RNF144B: variants seen among roughly 807,000 people sequenced by gnomAD.
RNF144B encodes ring finger protein 144B, also known as E3 ubiquitin-protein ligase RNF144B.
RNF144B carries 25 observed loss-of-function variants against 40.2 expected under a neutral mutation model. The ratio of observed to expected loss-of-function variants is 0.62; its 90% CI spans 0.45 to 0.87. The LOEUF (loss-of-function observed/expected upper bound fraction) is 0.87. RNF144B is among the 40% of genes least tolerant of loss of function. The probability of loss-of-function intolerance (pLI) is 0.00; values close to 1 mark genes in which losing one functional copy is unlikely to be tolerated. For missense variants in RNF144B, 365 were observed against 373.7 expected, an observed-to-expected ratio of 0.98 and a Z score of 0.19; for synonymous variants, 145 against 136.3, an observed-to-expected ratio of 1.06 and a Z score of -0.44.
chr6:18,425,255 C>G lies in RNF144B; in HGVS notation c.166-2326C>G, dbSNP rs1278880993. ...CACTTTGTTTTCCTCAAACACCTTC[C>G]CCTTGAGCCTGGAGACTATATCTTT... On this transcript the variant is annotated intron_variant, in intron 2 of 7. Coordinates refer to ENST00000259939, the MANE Select transcript of RNF144B (RefSeq NM_182757.4). The surrounding 1 kb of genome is among the most constrained non-coding windows in gnomAD (Gnocchi z 4.2). Among the ~76,000 whole-genome samples, 20 of 152,148 alleles carry G rather than the reference C, an allele frequency of 1.3e-4. No homozygotes were observed. The highest frequency in any genetic ancestry group is 1.3e-3 in the Admixed American group (20 of 15,276).
intron 4 of RNF144B, among the ~76,000 whole-genome samples, chr6:18,452,818 T>C (rs934554694): frequency 6.6e-6 from 1 of 152,192 alleles, no homozygotes; most frequent in African/African-American, 2.4e-5. Context: ...AGTGTTTCTC[T>C]CTGTTACCTA....
Position 18,460,196 on chromosome 6 carries a change from G to A in RNF144B, c.681+445G>A, listed in dbSNP as rs1360356730. Among the ~76,000 whole-genome samples the A allele has an allele frequency of 6.6e-6, 1 of 152,190 alleles. No individual in the cohort carries two copies. Among genetic ancestry groups the A allele is most frequent in the African/African-American group, 2.4e-5 (1 of 41,452 alleles). On this transcript the variant is annotated intron_variant, in intron 6 of 7. Coordinates refer to ENST00000259939, the MANE Select transcript of RNF144B (RefSeq NM_182757.4). The surrounding 1 kb of genome is among the most constrained non-coding windows in gnomAD (Gnocchi z 4.4). Reference sequence around the variant, plus strand: ...GCATTTCTTTCTGGAGGCTTTAGGGGAGAATCTGTTTTCTTGCCTTGGAGG... The same window carrying A: ...GCATTTCTTTCTGGAGGCTTTAGGGAAGAATCTGTTTTCTTGCCTTGGAGG...
intron 3 of RNF144B, among the ~76,000 whole-genome samples, chr6:18,431,221 A>G (rs1758688658): frequency 6.6e-6 from 1 of 151,784 alleles, no homozygotes; most frequent in Non-Finnish European, 1.5e-5. Context: ...GCGAGACTCC[A>G]TCTCAAAAAA....
rs776089836 is a variant in RNF144B, at chr6:18,427,608, A to G, written c.193A>G (p.Ile65Val). The G allele has an allele frequency of 6.8e-6, 11 of 1,613,652 alleles. No homozygotes were observed. The highest frequency in any genetic ancestry group is 6.7e-5 in the African/African-American group (5 of 74,912). ...ACLKQYMQLA[I>V]REGCGSPITC... Reference sequence around the variant, plus strand: ...CCTGAAACAGTACATGCAGCTGGCAATCCGAGAAGGATGTGGGTCTCCCAT... The same window carrying G: ...CCTGAAACAGTACATGCAGCTGGCAGTCCGAGAAGGATGTGGGTCTCCCAT... Residue 65 changes from isoleucine (I) to valine (V), a missense_variant, in exon 3 of 8, where the codon ATC becomes GTC. Ile to Val is a conservative substitution (Grantham distance 29, BLOSUM62 3). Transcript: ENST00000259939.
chr6:18,397,906 A>G (rs940484157), intron 1 of RNF144B, among the ~76,000 whole-genome samples: 5 of 152,070 alleles, frequency 3.3e-5, no homozygotes, highest in African/African-American at 1.2e-4. Flanking sequence ...CAGTATCACA[A>G]TTAATCTATA....
In RNF144B at chr6:18,387,632, T is replaced by G. The variant is rs545489805; in HGVS notation, c.-37+2T>G. 1 of 1,300,402 alleles carries G rather than the reference T, an allele frequency of 7.7e-7. No homozygotes were observed. Among genetic ancestry groups the G allele is most frequent in the Admixed American group, 2.2e-5 (1 of 44,628 alleles). The allele number at this position is 1,300,402 out of a possible 1,614,324, so 80.6% of individuals were successfully genotyped here. A position where few individuals can be genotyped will look rare whatever the true frequency, so the allele number is the denominator to read the frequency against. ...GGAGGAACGCAGGTCTGCTGCCAGG[T>G]AGGTTTAGCGAGCTTTTTAAAGGCT... On this transcript the variant is annotated splice_donor_variant, in intron 1 of 7. Coordinates refer to ENST00000259939, the MANE Select transcript of RNF144B (RefSeq NM_182757.4). LOFTEE classifies it low-confidence loss of function (5UTR_SPLICE).
chr6:18,420,107 C>T (rs1795226535), intron 2 of RNF144B, among the ~76,000 whole-genome samples: 1 of 151,558 alleles, frequency 6.6e-6, no homozygotes, highest in Non-Finnish European at 1.5e-5. Flanking sequence ...ACTGAGTATC[C>T]CCTATCTCCT....
chr6:18,402,978 C>G (rs1002195109), intron 2 of RNF144B, among the ~76,000 whole-genome samples: 1 of 152,078 alleles, frequency 6.6e-6, no homozygotes, highest in Non-Finnish European at 1.5e-5. Context: ...TATTACAGAT[C>G]CAAAGAGGTT....
chr6:18,456,780 G>C lies in RNF144B; in HGVS notation c.332-375G>C, dbSNP rs559792320. On this transcript the variant is annotated intron_variant, in intron 4 of 7. Transcript: ENST00000259939. The surrounding 1 kb of genome is among the most constrained non-coding windows in gnomAD (Gnocchi z 4.7). ...TCAGTTTAAAAAAGAGGGTAAATGG[G>C]GCAGGTGTGGTGGCTCATGCCTGTA... Among the ~76,000 whole-genome samples the C allele has an allele frequency of 1.3e-4, 20 of 152,094 alleles. No individual in the cohort carries two copies. The highest frequency in any genetic ancestry group is 2.8e-4 in the Non-Finnish European group (19 of 68,008).
rs763263733 is a variant in RNF144B at position 18,427,560 on chromosome 6, CT to C, written c.166-13del. 2.4e-5 allele frequency: 38 copies of C among 1,567,260 alleles called. No individual in the cohort carries two copies. Among genetic ancestry groups the C allele is most frequent in the Non-Finnish European group, 3.1e-5 (35 of 1,139,438 alleles). ...CTACTGTAATGGAATGGGCAATTGTCTTTTTTTTCTTAACTTCCAGTGCCTG... is the reference window on the plus strand; with the variant it reads ...CTACTGTAATGGAATGGGCAATTGTCTTTTTTTCTTAACTTCCAGTGCCTG... On this transcript the variant is annotated intron_variant, in intron 2 of 7. Coordinates refer to ENST00000259939, the MANE Select transcript of RNF144B (RefSeq NM_182757.4).
intron 2 of RNF144B, among the ~76,000 whole-genome samples, chr6:18,409,076 T>C (rs752486520): frequency 1.2e-4 from 19 of 152,060 alleles, no homozygotes; most frequent in Admixed American, 2.0e-4. Context: ...TTTATTAGTA[T>C]ATTTACACAA....
Position 18,412,855 on chromosome 6 carries a change from AAGG to A in RNF144B, c.165+13160_165+13162del, listed in dbSNP as rs768340916. Among the ~76,000 whole-genome samples, 1 of 152,174 alleles carries A rather than the reference AAGG, an allele frequency of 6.6e-6. No homozygotes were observed. The highest frequency in any genetic ancestry group is 6.5e-5 in the Admixed American group (1 of 15,272). On this transcript the variant is annotated intron_variant, in intron 2 of 7. Transcript: ENST00000259939. This position sits in a 1 kb window ranked among gnomAD's most constrained non-coding sequence, Gnocchi z 4.2. ...TTTTGAATCATTTCCCACCCACAGT[AAGG>A]AGGTCTTTTTGGTTTGACTCTTCTG... is the stretch of plus-strand genomic sequence containing the variant.
rs1305855286 is a variant in RNF144B, at chr6:18,444,083, G to T, written c.331+4339G>T. Among the ~76,000 whole-genome samples the T allele has an allele frequency of 2.0e-5, 3 of 152,162 alleles. No homozygotes were observed. Among genetic ancestry groups the T allele is most frequent in the African/African-American group, 7.2e-5 (3 of 41,428 alleles). ...CTTTTAGTCTTTAGCTTGTTGTTCA[G>T]TGTGTGAATTGTCCTCTGCTTTGTG... is the stretch of plus-strand genomic sequence containing the variant. On this transcript the variant is annotated intron_variant, in intron 4 of 7. Coordinates refer to ENST00000259939, the MANE Select transcript of RNF144B (RefSeq NM_182757.4). This position sits in a 1 kb window ranked among gnomAD's most constrained non-coding sequence, Gnocchi z 4.3.
intron 1 of RNF144B, among the ~76,000 whole-genome samples, chr6:18,397,807 A>G (rs576428825): frequency 3.3e-5 from 5 of 152,182 alleles, no homozygotes; most frequent in Admixed American, 2.6e-4. Context: ...TGGATCTGGC[A>G]CTGGGCTTGG....
rs1251280032 is a variant in RNF144B, at chr6:18,419,641, G to A, written c.166-7940G>A. On this transcript the variant is annotated intron_variant, in intron 2 of 7. Coordinates refer to ENST00000259939, the MANE Select transcript of RNF144B (RefSeq NM_182757.4). This position sits in a 1 kb window ranked among gnomAD's most constrained non-coding sequence, Gnocchi z 4.6. ...GTGTGATACTGCTGTTGAGAGGTTG[G>A]GAAGGAAGAAATGTGTACTGGATTC... 6.6e-6 allele frequency among the ~76,000 whole-genome samples: 1 copy of A among 152,114 alleles called. No homozygotes were observed.
intron 2 of RNF144B, 71 bp downstream of exon 2, chr6:18,399,770 T>G (rs1396132830): frequency 6.3e-6 from 8 of 1,270,368 alleles, no homozygotes; most frequent in Admixed American, 1.9e-5. Context: ...GATATATTTC[T>G]GTGGTTTACT....
rs1208854053 is a variant in RNF144B, at chr6:18,442,384, C to G, written c.331+2640C>G. Among the ~76,000 whole-genome samples, 2 of 152,080 alleles carry G rather than the reference C, an allele frequency of 1.3e-5. No homozygotes were observed. Among genetic ancestry groups the G allele is most frequent in the Non-Finnish European group, 2.9e-5 (2 of 68,028 alleles). ...TTCTCACGAGTTCTGGGCAGATGCC[C>G]CACTGTGGATCCCATGCATTAACAA... On this transcript the variant is annotated intron_variant, in intron 4 of 7. Coordinates refer to ENST00000259939, the MANE Select transcript of RNF144B (RefSeq NM_182757.4). This position sits in a 1 kb window ranked among gnomAD's most constrained non-coding sequence, Gnocchi z 4.3.
intron 1 of RNF144B, chr6:18,396,605 A>C: frequency 1.0e-6 from 1 of 985,262 alleles, no homozygotes; most frequent in Non-Finnish European, 1.2e-6. Context: ...CTCAGGAAGC[A>C]TTTACTACCT....
intron 4 of RNF144B, among the ~76,000 whole-genome samples, chr6:18,453,279 CAGGCG>C (rs1349967304): frequency 6.6e-6 from 1 of 151,346 alleles, no homozygotes; most frequent in Non-Finnish European, 1.5e-5. Flanking sequence ...GCTGGGATCA[CAGGCG>C]CCCACCACCA....
Sources: gnomAD v4.1 joint callset for allele counts (sites outside exome capture counted in the v4.1 genomes callset) on GRCh38, gnomAD v4.1.1 for gene constraint, Gnocchi (gnomAD v3.1) non-coding constraint, MANE v1.5 for transcripts, NCBI Gene and HGNC (gene_info 2026-07-23, HGNC 2026-07-21) for gene names.